Variants in SORD observed in about 807,000 individuals in gnomAD.
SORD encodes the protein (R,R)-butanediol dehydrogenase.
In SORD, 18 loss-of-function variants were observed where a neutral mutation model predicts 35.6. The ratio of observed to expected loss-of-function variants is 0.51; its 90% CI spans 0.35 to 0.75. The LOEUF (loss-of-function observed/expected upper bound fraction) is 0.75, where lower values mean the gene tolerates loss of function less well. SORD is among the 30% of genes least tolerant of loss of function. The probability of loss-of-function intolerance (pLI) is 0.01; values close to 1 mark genes in which losing one functional copy is unlikely to be tolerated. For missense variants in SORD, 250 were observed against 390.2 expected (o/e 0.64, Z 3.03); for synonymous variants, 106 against 152.9 (o/e 0.69, Z 2.26).
intron 2 of SORD, among the ~76,000 whole-genome samples, chr15:45,041,989 C>G (rs1892973664): frequency 6.6e-6 from 1 of 152,168 alleles, no homozygotes; most frequent in Non-Finnish European, 1.5e-5. Context: ...TCTTACTCTT[C>G]ACTAAAACTA....
At position 45,023,288 on chromosome 15, in the gene SORD, C is replaced by T. The variant is rs1892618127; in HGVS notation, c.5C>T (p.Ala2Val). ...CTCCAGAGCCAAAAGAGCTCCATGG[C>T]GGCGGCGGCCAAGCCCAACAACCTT... M[A>V]AAAKPNNLSL... The change falls in exon 1 of 9, where the codon GCG becomes GTG. Residue 2 changes from alanine to valine, a missense_variant. Physicochemically the swap from Ala to Val is moderately conservative, Grantham distance 64. Coordinates refer to ENST00000267814, the MANE Select transcript of SORD (RefSeq NM_003104.6). 6.3e-7 allele frequency: 1 copy of T among 1,581,018 alleles called. No homozygotes were observed. Among genetic ancestry groups the T allele is most frequent in the Admixed American group, 1.8e-5 (1 of 55,560 alleles).
At chr15:45,040,572 T>C in intron 2 of SORD, 131 bp downstream of exon 2, 1 of 726,276 alleles carries the variant, frequency 1.4e-6, no homozygotes, top group Non-Finnish European at 2.4e-6. Flanking sequence ...AACCTATGCT[T>C]TTGTTAGGCT....
At chr15:45,041,405 T>C (rs571279632) in intron 2 of SORD, among the ~76,000 whole-genome samples, 1 of 152,120 alleles carries the variant, frequency 6.6e-6, no homozygotes, top group African/African-American at 2.4e-5. Context: ...AGGTCCCCTT[T>C]CTGCCCTTGA....
chr15:45,034,289 A>G (rs1202244014), intron 1 of SORD, among the ~76,000 whole-genome samples: 1 of 152,102 alleles, frequency 6.6e-6, no homozygotes, highest in East Asian at 1.9e-4. Flanking sequence ...GCATGTTGAC[A>G]GGCAGTTCCA....
intron 4 of SORD, among the ~76,000 whole-genome samples, chr15:45,064,926 C>T (rs1447900908): frequency 1.3e-5 from 2 of 152,200 alleles, no homozygotes; most frequent in Non-Finnish European, 2.9e-5. Context: ...TTGCCTTCTT[C>T]AGATGGGGAC....
chr15:45,030,527 T>TA (rs1414309415), intron 1 of SORD, among the ~76,000 whole-genome samples: 1 of 152,220 alleles, frequency 6.6e-6, no homozygotes, highest in Non-Finnish European at 1.5e-5. Context: ...TCAACAATTT[T>TA]AAAAAACACA....
At chr15:45,045,712 A>G (rs1187080078) in intron 3 of SORD, among the ~76,000 whole-genome samples, 3 of 152,102 alleles carry the variant, frequency 2.0e-5, no homozygotes, top group South Asian at 2.1e-4. Context: ...TCCCCCTTTA[A>G]AAAGCACTTG....
rs143548681 is a variant in SORD at position 45,073,585 on chromosome 15, C to A, written c.*55C>A. Reference sequence around the variant, plus strand: ...GTCTTGGGATCTCAGGGCACAATGGCTGGACATGGGTGGGCTCTGATGCAG... The same window carrying A: ...GTCTTGGGATCTCAGGGCACAATGGATGGACATGGGTGGGCTCTGATGCAG... On this transcript the variant is annotated 3_prime_UTR_variant, in exon 9 of 9. Transcript: ENST00000267814. 252,758 of 1,479,898 alleles carry A rather than the reference C, an allele frequency of 0.17. 2,391 individuals carry two copies. Among genetic ancestry groups the A allele is most frequent in the African/African-American group, 0.38 (23,933 of 63,388 alleles). 91.7% of individuals were successfully genotyped at this position (1,479,898 alleles called of 1,614,324 possible).
chr15:45,028,895 GA>G (rs1892723543), intron 1 of SORD, among the ~76,000 whole-genome samples: 2 of 152,364 alleles, frequency 1.3e-5, no homozygotes, highest in South Asian at 4.1e-4. Flanking sequence ...ATGGTATAAT[GA>G]GAGGGCATGA....
intron 3 of SORD, among the ~76,000 whole-genome samples, chr15:45,055,759 A>G (rs1478108417): frequency 1.3e-5 from 2 of 152,156 alleles, no homozygotes; most frequent in Admixed American, 6.5e-5. Flanking sequence ...CTGGCAAACC[A>G]AATCCAGCAG....
intron 1 of SORD, chr15:45,036,109 C>A (rs1892861708): frequency 3.5e-6 from 1 of 289,726 alleles, no homozygotes; most frequent in Admixed American, 5.2e-5. Flanking sequence ...CCAGCGAGAC[C>A]ACGAACCCAC....
chr15:45,036,473 A>G (rs776706785), intron 1 of SORD: 12 of 392,334 alleles, frequency 3.1e-5, no homozygotes, highest in African/African-American at 6.4e-5. Context: ...AGGCAGATCA[A>G]TTGAGGCCAG....
chr15:45,069,522 A>C (rs969773076), intron 7 of SORD, among the ~76,000 whole-genome samples: 26 of 151,844 alleles, frequency 1.7e-4, no homozygotes, highest in African/African-American at 3.1e-4. Flanking sequence ...TAGTGCGGAG[A>C]CTGTACTTGA....
chr15:45,034,966 C>T (rs977165456), intron 1 of SORD, among the ~76,000 whole-genome samples: 29 of 152,196 alleles, frequency 1.9e-4, no homozygotes, highest in Non-Finnish European at 3.7e-4. Flanking sequence ...CAATGAGGGG[C>T]TTAGCACCCG....
chr15:45,034,799 G>T (rs1892834230), intron 1 of SORD, among the ~76,000 whole-genome samples: 1 of 152,252 alleles, frequency 6.6e-6, no homozygotes, highest in African/African-American at 2.4e-5. Context: ...GCCAAGGCCG[G>T]AGCCGGCTCC....
At chr15:45,027,616 C>A (rs920666332) in intron 1 of SORD, among the ~76,000 whole-genome samples, 4 of 152,234 alleles carry the variant, frequency 2.6e-5, no homozygotes, top group Non-Finnish European at 5.9e-5. Context: ...GTTTTCCTAA[C>A]CAAATTATTA....
At position 45,068,868 on chromosome 15, in the gene SORD, T is replaced by A. The variant is rs1379199916; in HGVS notation, c.611-9T>A. 1.3e-5 allele frequency: 17 copies of A among 1,270,852 alleles called. No homozygotes were observed. The highest frequency in any genetic ancestry group is 1.2e-4 in the Admixed American group (3 of 25,574). 78.7% of individuals were successfully genotyped at this position (1,270,852 alleles called of 1,614,324 possible). On this transcript the variant is annotated splice_polypyrimidine_tract_variant and intron_variant, in intron 6 of 8. Coordinates refer to ENST00000267814, the MANE Select transcript of SORD (RefSeq NM_003104.6). ...AAAGAATTTTTTTTTTTTTTTTTTTTACCTTCAGATCTGTCTGCTACCCGA... is the reference window on the plus strand; with the variant it reads ...AAAGAATTTTTTTTTTTTTTTTTTTAACCTTCAGATCTGTCTGCTACCCGA...
At chr15:45,024,505 T>C (rs1451881474) in intron 1 of SORD, among the ~76,000 whole-genome samples, 1 of 152,176 alleles carries the variant, frequency 6.6e-6, no homozygotes, top group Non-Finnish European at 1.5e-5. Flanking sequence ...TGATAGGTTT[T>C]GTTAGTTAAC....
At chr15:45,038,130 T>C (rs151331797) in intron 1 of SORD, among the ~76,000 whole-genome samples, 50 of 13,030 alleles carry the variant, frequency 3.8e-3, no homozygotes, top group East Asian at 0.031. Flanking sequence ...CATCCTCCCT[T>C]CCTTCCTTCC....
Sources: allele counts gnomAD v4.1 joint callset (sites outside exome capture counted in the v4.1 genomes callset), GRCh38; gene constraint gnomAD v4.1.1; transcripts MANE v1.5; gene names NCBI Gene and HGNC (gene_info 2026-07-23, HGNC 2026-07-21).